Variants in GRXCR1 observed in about 807,000 individuals in gnomAD.
GRXCR1 encodes glutaredoxin domain-containing cysteine-rich protein 1.
A neutral mutation model predicts 27.3 loss-of-function variants in GRXCR1; 27 were observed. The ratio of observed to expected loss-of-function variants is 0.99; its 90% confidence interval spans 0.73 to 1.37. GRXCR1 has a LOEUF of 1.37. GRXCR1 is among the 40% of genes most tolerant of loss of function. GRXCR1 has a pLI of 0.00. For missense variants in GRXCR1, 379 were observed against 354.4 expected (o/e 1.07, Z -0.56); for synonymous variants, 122 against 131.1 (o/e 0.93, Z 0.47).
chr4:42,997,518 C>T (rs554398353), intron 2 of GRXCR1, among the ~76,000 whole-genome samples: 1 of 152,196 alleles, frequency 6.6e-6, no homozygotes, highest in Non-Finnish European at 1.5e-5. Context: ...AGAGACTGCT[C>T]CTCCAGGGTC....
intron 2 of GRXCR1, among the ~76,000 whole-genome samples, chr4:43,011,200 T>C (rs1195918507): frequency 6.6e-6 from 1 of 152,230 alleles, no homozygotes; most frequent in Non-Finnish European, 1.5e-5. Flanking sequence ...TAATTTATTG[T>C]CGATCGTGCT....
chr4:42,966,500 G>A lies in GRXCR1; in HGVS notation c.627+3366G>A, dbSNP rs144420126. ...AGAGTAAAGACCACTAGTATTGAGC[G>A]TAATTCCTTTGCTGCAAGTGACACA... On this transcript the variant is annotated intron_variant, in intron 2 of 3. Transcript: ENST00000399770. 3.5e-4 allele frequency among the ~76,000 whole-genome samples: 54 copies of A among 152,196 alleles called. No individual in the cohort carries two copies. In the East Asian group the frequency reaches 9.3e-3, roughly 26 times the overall value.
At chr4:42,901,596 A>T (rs1390307866) in intron 1 of GRXCR1, among the ~76,000 whole-genome samples, 1 of 152,186 alleles carries the variant, frequency 6.6e-6, no homozygotes, top group Non-Finnish European at 1.5e-5. Flanking sequence ...GCTTAATGCA[A>T]TCATGTCTGC....
chr4:42,948,153 A>T (rs1375407039), intron 1 of GRXCR1, among the ~76,000 whole-genome samples: 1 of 151,802 alleles, frequency 6.6e-6, no homozygotes, highest in Non-Finnish European at 1.5e-5. Context: ...AAACATTTTC[A>T]TTTGTGTCTT....
intron 1 of GRXCR1, among the ~76,000 whole-genome samples, chr4:42,910,908 A>G (rs1746709373): frequency 6.6e-6 from 1 of 152,108 alleles, no homozygotes; most frequent in Admixed American, 6.6e-5. Flanking sequence ...CTTTTAGACT[A>G]ACTCCAGATG....
intron 2 of GRXCR1, among the ~76,000 whole-genome samples, chr4:42,995,881 A>G (rs1049527774): frequency 6.6e-6 from 1 of 152,222 alleles, no homozygotes; most frequent in Non-Finnish European, 1.5e-5. Context: ...CCGAGGACTT[A>G]GAAGTTGTTC....
At chr4:42,897,109 C>T (rs1420399062) in intron 1 of GRXCR1, among the ~76,000 whole-genome samples, 3 of 152,140 alleles carry the variant, frequency 2.0e-5, no homozygotes, top group Non-Finnish European at 4.4e-5. Flanking sequence ...ATTGTTTCTT[C>T]ATGCTAAGCA....
chr4:42,893,334 C>G lies in GRXCR1; in HGVS notation c.68C>G (p.Ser23Cys). 1.2e-6 allele frequency: 2 copies of G among 1,613,790 alleles called. No individual in the cohort carries two copies. Among genetic ancestry groups the G allele is most frequent in the South Asian group, 2.2e-5 (2 of 91,082 alleles). ...AAAGTCCGGTTTCGGATCGCGTCCT[C>G]TCACAGTGGGCGAGTTCTGAAGGAA... Reference protein sequence around the residue: ...PRKVRFRIASSHSGRVLKEVY... With the variant: ...PRKVRFRIASCHSGRVLKEVY... The change falls in exon 1 of 4, where the codon TCT (serine) becomes TGT (cysteine). Residue 23 changes from serine (S) to cysteine (C), a missense_variant. Transcript: ENST00000399770.
intron 2 of GRXCR1, among the ~76,000 whole-genome samples, chr4:42,992,292 A>C (rs1164182688): frequency 1.3e-5 from 2 of 152,178 alleles, no homozygotes; most frequent in African/African-American, 4.8e-5. Flanking sequence ...ATAACTTAGT[A>C]TGGTTGACAA....
At chr4:42,993,121 T>A (rs1466103803) in intron 2 of GRXCR1, among the ~76,000 whole-genome samples, 2 of 152,152 alleles carry the variant, frequency 1.3e-5, no homozygotes, top group African/African-American at 4.8e-5. Flanking sequence ...TTTCTTTTTT[T>A]ATTTCTTCCT....
chr4:42,908,293 T>C (rs1388731366), intron 1 of GRXCR1, among the ~76,000 whole-genome samples: 1 of 152,144 alleles, frequency 6.6e-6, no homozygotes, highest in East Asian at 1.9e-4. Context: ...TACTGACAGG[T>C]AGTTGTAACG....
At chr4:43,004,194 G>A (rs1425068475) in intron 2 of GRXCR1, among the ~76,000 whole-genome samples, 6 of 152,238 alleles carry the variant, frequency 3.9e-5, no homozygotes, top group South Asian at 2.1e-4. Flanking sequence ...CTCAAGCCTT[G>A]GTGGCATCCA....
At chr4:43,017,922 A>C (rs1335696854) in intron 2 of GRXCR1, among the ~76,000 whole-genome samples, 1 of 152,216 alleles carries the variant, frequency 6.6e-6, no homozygotes, top group South Asian at 2.1e-4. Context: ...ATGCAAATGC[A>C]GGGAAAGCAG....
intron 2 of GRXCR1, among the ~76,000 whole-genome samples, chr4:42,977,817 C>A (rs1009237460): frequency 1.2e-4 from 18 of 151,978 alleles, no homozygotes; most frequent in African/African-American, 4.3e-4. Flanking sequence ...CAATGTAACA[C>A]CAGTTGTCTA....
At chr4:42,953,422 ATGAGTAG>A (rs1405702409) in intron 1 of GRXCR1, among the ~76,000 whole-genome samples, 2 of 152,154 alleles carry the variant, frequency 1.3e-5, no homozygotes, top group African/African-American at 4.8e-5. Context: ...GGACAAGGCT[ATGAGTAG>A]GTGTTCTGGA....
chr4:42,947,542 T>C (rs1747776510), intron 1 of GRXCR1, among the ~76,000 whole-genome samples: 2 of 152,108 alleles, frequency 1.3e-5, no homozygotes, highest in Non-Finnish European at 1.5e-5. Context: ...ATTGATTGGG[T>C]TACTGATAAA....
chr4:42,950,141 G>C (rs1373995541), intron 1 of GRXCR1, among the ~76,000 whole-genome samples: 3 of 152,080 alleles, frequency 2.0e-5, no homozygotes, highest in African/African-American at 7.2e-5. Context: ...AGAAGAGAAA[G>C]GGCACCTTTC....
chr4:43,022,275 A>G (rs1713115736), intron 3 of GRXCR1, among the ~76,000 whole-genome samples: 1 of 152,204 alleles, frequency 6.6e-6, no homozygotes, highest in Non-Finnish European at 1.5e-5. Context: ...TTAGGATCTT[A>G]CAGGATGAAT....
At chr4:42,894,959 GT>G (rs1467241433) in intron 1 of GRXCR1, among the ~76,000 whole-genome samples, 1 of 152,044 alleles carries the variant, frequency 6.6e-6, no homozygotes, top group African/African-American at 2.4e-5. Context: ...GATTAACTTA[GT>G]TTGTTATTAT....
Sources: allele counts gnomAD v4.1 joint callset (sites outside exome capture counted in the v4.1 genomes callset), GRCh38; gene constraint gnomAD v4.1.1; transcripts MANE v1.5; gene names NCBI Gene and HGNC (gene_info 2026-07-23, HGNC 2026-07-21).